SEC24D: variants seen among roughly 807,000 people sequenced by gnomAD.
SEC24D encodes the protein SEC24 homolog D, COPII component, also known as protein transport protein Sec24D.
SEC24D carries 69 observed loss-of-function variants against 116.9 expected under a neutral mutation model. That is an observed-to-expected ratio of 0.59 (90% CI 0.49 to 0.72). The LOEUF is 0.72. Ranked by LOEUF, SEC24D falls within the 30% of genes least tolerant of loss-of-function variation. The probability of loss-of-function intolerance (pLI) is 0.00; values close to 1 mark genes in which losing one functional copy is unlikely to be tolerated. For synonymous variants in SEC24D, 405 were observed against 442.8 expected (o/e 0.91, Z 1.07); for missense variants, 1,131 against 1,264.1 (o/e 0.89, Z 1.60).
At chr4:118,748,013 C>A (rs771202273) in intron 13 of SEC24D, among the ~76,000 whole-genome samples, 15 of 152,166 alleles carry the variant, frequency 9.9e-5, no homozygotes, top group Non-Finnish European at 2.1e-4. Flanking sequence ...GGCCTGTAAT[C>A]CCAGCACTTT....
intron 13 of SEC24D, among the ~76,000 whole-genome samples, chr4:118,750,182 G>A (rs1484840385): frequency 6.6e-6 from 1 of 152,204 alleles, no homozygotes; most frequent in East Asian, 1.9e-4. Flanking sequence ...ACTGATTGCT[G>A]CAGTCGTTGT....
At chr4:118,745,952 G>A (rs1028921182) in intron 13 of SEC24D, among the ~76,000 whole-genome samples, 1 of 152,002 alleles carries the variant, frequency 6.6e-6, no homozygotes, top group Non-Finnish European at 1.5e-5. Flanking sequence ...AATGCAGGAG[G>A]ACTGCTTGAA....
intron 22 of SEC24D, among the ~76,000 whole-genome samples, chr4:118,725,063 C>CT: frequency 7.1e-6 from 1 of 141,002 alleles, no homozygotes; most frequent in Non-Finnish European, 1.6e-5. Flanking sequence ...ACACCACTTG[C>CT]TTTTTTCCTT....
chr4:118,808,620 G>A (rs1386522567), intron 6 of SEC24D, among the ~76,000 whole-genome samples: 1 of 152,124 alleles, frequency 6.6e-6, no homozygotes, highest in Non-Finnish European at 1.5e-5. Context: ...TTGAAAAACA[G>A]GCTTAGAGAT....
Position 118,836,054 on chromosome 4 carries a change from T to A in SEC24D, c.-155A>T, listed in dbSNP as rs1229828822. On this transcript the variant is annotated 5_prime_UTR_variant, in exon 1 of 23. Coordinates refer to ENST00000280551, the MANE Select transcript of SEC24D (RefSeq NM_014822.4). Reference sequence around the variant, plus strand: ...CGGTCGCTTCTCCCGCCGCGCCTCTTCCCCGGCCGGCGTCCCCTTAGCCTG... The same window carrying A: ...CGGTCGCTTCTCCCGCCGCGCCTCTACCCCGGCCGGCGTCCCCTTAGCCTG... 1 of 152,140 alleles carries A rather than the reference T, an allele frequency of 6.6e-6. No homozygotes were observed. Among genetic ancestry groups the A allele is most frequent in the African/African-American group, 2.4e-5 (1 of 41,420 alleles). 9.4% of individuals were successfully genotyped at this position (152,140 alleles called of 1,614,324 possible). A position where few individuals can be genotyped will look rare whatever the true frequency, so the allele number is the denominator to read the frequency against.
intron 7 of SEC24D, among the ~76,000 whole-genome samples, chr4:118,805,009 G>T (rs1025651151): frequency 1.3e-5 from 2 of 152,012 alleles, no homozygotes; most frequent in African/African-American, 4.8e-5. Flanking sequence ...ATTACTGAGG[G>T]TGATGCTGAG....
At chr4:118,739,397 TCTAA>T (rs769695300) in intron 17 of SEC24D, 110 bp from the exon 18 acceptor site, 1 of 959,156 alleles carries the variant, frequency 1.0e-6, no homozygotes, top group Non-Finnish European at 1.5e-6. Context: ...ATAAAAGACC[TCTAA>T]CTATTTTTCC....
chr4:118,738,868 C>T (rs1726095276), intron 18 of SEC24D, among the ~76,000 whole-genome samples: 1 of 152,104 alleles, frequency 6.6e-6, no homozygotes, highest in African/African-American at 2.4e-5. Flanking sequence ...TGATCATGTA[C>T]CATAATAAGG....
chr4:118,743,318 G>A (rs1726328453), intron 15 of SEC24D, among the ~76,000 whole-genome samples: 1 of 151,124 alleles, frequency 6.6e-6, no homozygotes, highest in Admixed American at 6.6e-5. Context: ...GTATGGAATT[G>A]CCGAACCATA....
At chr4:118,784,438 G>GGA (rs1194899470) in intron 8 of SEC24D, among the ~76,000 whole-genome samples, 1 of 151,980 alleles carries the variant, frequency 6.6e-6, no homozygotes, top group Non-Finnish European at 1.5e-5. Flanking sequence ...AAACTATAGA[G>GGA]GACAAGGAAG....
intron 3 of SEC24D, among the ~76,000 whole-genome samples, chr4:118,822,269 T>C: frequency 6.6e-6 from 1 of 152,194 alleles, no homozygotes; most frequent in East Asian, 1.9e-4. Context: ...CTTATCTAGC[T>C]AGTAATTGTC....
At chr4:118,801,568 G>A (rs1032420307) in intron 7 of SEC24D, among the ~76,000 whole-genome samples, 1 of 152,100 alleles carries the variant, frequency 6.6e-6, no homozygotes, top group Non-Finnish European at 1.5e-5. Flanking sequence ...ATTACACAAC[G>A]TTATACAGAC....
At chr4:118,752,530 G>A (rs1192816073) in intron 12 of SEC24D, among the ~76,000 whole-genome samples, 167 bp downstream of exon 12, 2 of 152,058 alleles carry the variant, frequency 1.3e-5, no homozygotes, top group African/African-American at 4.8e-5. Context: ...TTAGATACTT[G>A]TCTATATTTA....
intron 1 of SEC24D, among the ~76,000 whole-genome samples, chr4:118,834,123 A>G (rs1303979117): frequency 6.6e-6 from 1 of 152,198 alleles, no homozygotes; most frequent in Non-Finnish European, 1.5e-5. Flanking sequence ...TTGACTGACC[A>G]CCATAACTGC....
At chr4:118,776,129 G>A (rs1728120577) in intron 8 of SEC24D, among the ~76,000 whole-genome samples, 1 of 151,504 alleles carries the variant, frequency 6.6e-6, no homozygotes, top group Admixed American at 6.6e-5. Context: ...GAGGGGAGAG[G>A]AGGGGAAGGG....
intron 5 of SEC24D, 139 bp from the exon 6 acceptor site, chr4:118,815,294 T>C (rs1457351365): frequency 2.3e-5 from 31 of 1,347,894 alleles, no homozygotes; most frequent in Non-Finnish European, 2.6e-5. Context: ...AGTATGAGTG[T>C]GGTTCCCCAT....
intron 8 of SEC24D, among the ~76,000 whole-genome samples, chr4:118,788,861 A>G (rs1453923221): frequency 6.6e-6 from 1 of 152,216 alleles, no homozygotes; most frequent in Non-Finnish European, 1.5e-5. Context: ...ATTCTGTGAT[A>G]TGGTTTATTT....
chr4:118,732,138 A>G (rs1033221135), intron 20 of SEC24D, among the ~76,000 whole-genome samples: 1 of 151,748 alleles, frequency 6.6e-6, no homozygotes, highest in East Asian at 1.9e-4. Context: ...CGAGCTGACA[A>G]TTTTATTTTA....
At chr4:118,788,377 T>C (rs10014208) in intron 8 of SEC24D, among the ~76,000 whole-genome samples, 50,962 of 152,120 alleles carry the variant, frequency 0.34, 9,136 homozygotes, top group East Asian at 0.45. Flanking sequence ...GGTCACAATA[T>C]AAGGCACAGT....
Sources: allele counts gnomAD v4.1 joint callset (sites outside exome capture counted in the v4.1 genomes callset), GRCh38; gene constraint gnomAD v4.1.1; transcripts MANE v1.5; gene names NCBI Gene and HGNC (gene_info 2026-07-23, HGNC 2026-07-21).